ARK2N: variants seen among roughly 807,000 people sequenced by gnomAD.
ARK2N encodes the protein arkadia (RNF111) N-terminal like PKA signaling regulator 2N, also known as protein ARK2N.
At chr18:46,189,212 C>CAAAAAAAAAAA in the ARK2N span, among the ~76,000 whole-genome samples, 5 of 86,866 alleles carry the variant, frequency 5.8e-5, no homozygotes, top group African/African-American at 2.4e-4. Flanking sequence ...GAGACTGTCT[C>CAAAAAAAAAAA]AAAAAAAAAA....
chr18:46,216,617 G>T, the ARK2N span: 1 of 1,576,708 alleles, frequency 6.3e-7, no homozygotes, highest in South Asian at 1.2e-5. This position sits in a 1 kb window ranked among gnomAD's most constrained non-coding sequence, Gnocchi z 4.3. Context: ...TTTTTAAACT[G>T]ACTGTAAAGT....
chr18:46,182,586 A>C, the ARK2N span, among the ~76,000 whole-genome samples: 1 of 152,086 alleles, frequency 6.6e-6, no homozygotes, highest in Non-Finnish European at 1.5e-5. Context: ...TCTATTAAAA[A>C]ATTATTTTTA....
the ARK2N span, among the ~76,000 whole-genome samples, chr18:46,248,659 A>G: frequency 6.6e-6 from 1 of 151,844 alleles, no homozygotes; most frequent in Non-Finnish European, 1.5e-5. Flanking sequence ...TTGGCTCACT[A>G]CTGAAACCTC....
chr18:46,240,242 C>G, the ARK2N span: 1 of 1,580,166 alleles, frequency 6.3e-7, no homozygotes, highest in Non-Finnish European at 8.6e-7. Flanking sequence ...TGTCCTGGAG[C>G]TGTTTTCCTT....
At chr18:46,194,036 C>G in the ARK2N span, among the ~76,000 whole-genome samples, 1 of 152,124 alleles carries the variant, frequency 6.6e-6, no homozygotes, top group Non-Finnish European at 1.5e-5. Context: ...GACAGTGTTG[C>G]TCAGTTGCCC....
the ARK2N span, among the ~76,000 whole-genome samples, chr18:46,203,398 A>G: frequency 6.6e-6 from 1 of 152,238 alleles, no homozygotes; most frequent in African/African-American, 2.4e-5. Flanking sequence ...ATAAAAGAAC[A>G]GGCAAAATGA....
the ARK2N span, among the ~76,000 whole-genome samples, chr18:46,239,395 ATGGATTTGTTGTAT>A: frequency 6.6e-6 from 1 of 152,226 alleles, no homozygotes; most frequent in Non-Finnish European, 1.5e-5. Flanking sequence ...AATCCTGAAA[ATGGATTTGTTGTAT>A]TGTCTTTTTA....
chr18:46,223,782 C>T, the ARK2N span, among the ~76,000 whole-genome samples: 1 of 152,058 alleles, frequency 6.6e-6, no homozygotes, highest in Admixed American at 6.6e-5. Context: ...TCTCTGTTGT[C>T]ATGGAACTTA....
the ARK2N span, among the ~76,000 whole-genome samples, chr18:46,244,442 G>A: frequency 1.3e-5 from 2 of 151,946 alleles, no homozygotes; most frequent in South Asian, 4.2e-4. Context: ...CTAACATGGT[G>A]GCAGTACAGA....
At chr18:46,196,513 G>A in the ARK2N span, among the ~76,000 whole-genome samples, 13 of 151,990 alleles carry the variant, frequency 8.6e-5, no homozygotes, top group Non-Finnish European at 1.3e-4. Flanking sequence ...CACCCGCCTC[G>A]GCCTCCCAAA....
the ARK2N span, among the ~76,000 whole-genome samples, chr18:46,219,797 C>T: frequency 6.6e-6 from 1 of 152,016 alleles, no homozygotes; most frequent in African/African-American, 2.4e-5. Context: ...TATGCATTAT[C>T]TTTTTGTGCT....
At chr18:46,241,964 G>A in the ARK2N span, among the ~76,000 whole-genome samples, 1 of 149,068 alleles carries the variant, frequency 6.7e-6, no homozygotes, top group African/African-American at 2.5e-5. Flanking sequence ...TTACAGGCGC[G>A]CACCACCACG....
chr18:46,232,461 A>G, the ARK2N span: 56 of 152,292 alleles, frequency 3.7e-4, no homozygotes, highest in African/African-American at 1.3e-3. Flanking sequence ...AATTTCAGTA[A>G]ATTTTTTTTC....
At chr18:46,208,486 T>TTTG in the ARK2N span, among the ~76,000 whole-genome samples, 2 of 145,930 alleles carry the variant, frequency 1.4e-5, no homozygotes, top group Admixed American at 6.8e-5. Context: ...TTTTTTTTTT[T>TTTG]TTGAGATGAA....
At chr18:46,248,265 GACA>G in the ARK2N span, among the ~76,000 whole-genome samples, 3 of 152,222 alleles carry the variant, frequency 2.0e-5, no homozygotes, top group Admixed American at 6.5e-5. Flanking sequence ...CTGCAGGGGA[GACA>G]ACGTCTTCAG....
the ARK2N span, among the ~76,000 whole-genome samples, chr18:46,176,919 T>C: frequency 1.3e-5 from 2 of 152,176 alleles, no homozygotes; most frequent in Middle Eastern, 3.4e-3. Context: ...GCTGGCTAAT[T>C]TTTAAATTTT....
the ARK2N span, among the ~76,000 whole-genome samples, chr18:46,223,532 C>T: frequency 1.1e-4 from 16 of 152,150 alleles, no homozygotes; most frequent in East Asian, 1.9e-4. Flanking sequence ...GATAGTGAGA[C>T]AGGGGAAACT....
the ARK2N span, among the ~76,000 whole-genome samples, chr18:46,231,294 C>T: frequency 6.6e-6 from 1 of 152,062 alleles, no homozygotes; most frequent in Non-Finnish European, 1.5e-5. Context: ...AGAAATTAGC[C>T]TGGTTTCAGG....
the ARK2N span, among the ~76,000 whole-genome samples, chr18:46,237,860 A>G: frequency 6.6e-6 from 1 of 152,224 alleles, no homozygotes; most frequent in Non-Finnish European, 1.5e-5. Flanking sequence ...TTGTTTGAAT[A>G]TATTGAAAAT....
Sources: allele counts gnomAD v4.1 joint callset (sites outside exome capture counted in the v4.1 genomes callset), GRCh38; gene constraint gnomAD v4.1.1; non-coding constraint Gnocchi (gnomAD v3.1); transcripts MANE v1.5; gene names NCBI Gene and HGNC (gene_info 2026-07-23, HGNC 2026-07-21).